MSH6: variants seen among roughly 807,000 people sequenced by gnomAD.
The protein encoded by MSH6 is DNA mismatch repair protein Msh6.
Under a neutral mutation model 119.1 loss-of-function variants are expected in MSH6, and 85 were observed. That is an observed-to-expected ratio of 0.71 (90% CI 0.60 to 0.85). The LOEUF (loss-of-function observed/expected upper bound fraction) is 0.85. Ranked by LOEUF, MSH6 falls within the 40% of genes least tolerant of loss-of-function variation. MSH6 has a pLI of 0.00. For synonymous variants in MSH6, 830 were observed against 586.9 expected, an observed-to-expected ratio of 1.41 and a Z score of -5.99; for missense variants, 2,163 against 1,655.3, an observed-to-expected ratio of 1.31 and a Z score of -5.32.
chr2:47,785,763 T>C (rs1450122410), intron 1 of MSH6, among the ~76,000 whole-genome samples: 1 of 152,192 alleles, frequency 6.6e-6, no homozygotes, highest in Non-Finnish European at 1.5e-5. Context: ...TGAGCATGAA[T>C]TGATTGTTGA....
intron 5 of MSH6, 85 bp from the exon 6 acceptor site, chr2:47,804,825 C>CT: frequency 9.8e-7 from 1 of 1,021,688 alleles, no homozygotes; most frequent in Non-Finnish European, 1.6e-6. Context: ...GTGCCTAGCT[C>CT]TTACGTAAGG....
chr2:47,804,668 G>A (rs1669846622), intron 5 of MSH6, among the ~76,000 whole-genome samples: 1 of 152,154 alleles, frequency 6.6e-6, no homozygotes. Context: ...AATCACTAGG[G>A]TAGTGGGTTG....
downstream of MSH6, chr2:47,809,716 A>C (rs1462990934): frequency 6.3e-7 from 1 of 1,584,974 alleles, no homozygotes; most frequent in Non-Finnish European, 8.7e-7. Flanking sequence ...ACCTGAAGTA[A>C]AATTTACAAA....
At chr2:47,796,797 T>A (rs372654081) in intron 3 of MSH6, among the ~76,000 whole-genome samples, 16 of 152,094 alleles carry the variant, frequency 1.1e-4, no homozygotes, top group African/African-American at 3.1e-4. Context: ...CCTGTTTCTA[T>A]AAAAAATACA....
At chr2:47,790,366 C>T (rs2104085885) in intron 1 of MSH6, among the ~76,000 whole-genome samples, 1 of 152,282 alleles carries the variant, frequency 6.6e-6, no homozygotes, top group South Asian at 2.1e-4. Flanking sequence ...ACGTTACGCC[C>T]TCAGTTGTTG....
intron 2 of MSH6, among the ~76,000 whole-genome samples, chr2:47,791,550 C>T (rs775351631): frequency 4.6e-5 from 7 of 152,148 alleles, no homozygotes; most frequent in Non-Finnish European, 1.0e-4. Context: ...ACACCAAACT[C>T]CTGGAACCAT....
intron 4 of MSH6, chr2:47,801,357 TTCAG>T: frequency 2.6e-6 from 1 of 384,430 alleles, no homozygotes; most frequent in Admixed American, 5.0e-5. Flanking sequence ...TTGGCCTTTC[TTCAG>T]TTTTTTTTTT....
rs876660185 is a variant in MSH6, at chr2:47,800,856, A to C, written c.2873A>C (p.Gln958Pro). ...EQSLLEYLEKQRNRIGCRTIV... is the reference protein window; with the variant it reads ...EQSLLEYLEKPRNRIGCRTIV... ...AGCCTCCTGGAATACCTAGAGAAAC[A>C]GCGCAACAGAATTGGCTGTAGGACC... Residue 958 changes from glutamine (Q) to proline (P), a missense_variant, in exon 4 of 10, where the codon CAG (glutamine) becomes CCG (proline). Coordinates refer to ENST00000234420, the MANE Select transcript of MSH6 (RefSeq NM_000179.3). The C allele has an allele frequency of 6.2e-7, 1 of 1,614,036 alleles. No individual in the cohort carries two copies. Among genetic ancestry groups the C allele is most frequent in the Non-Finnish European group, 8.5e-7 (1 of 1,179,990 alleles).
rs1363247790 is a variant in MSH6 at position 47,805,697 on chromosome 2, G to A, written c.3636G>A (p.Val1212=). The change falls in exon 7 of 10, where the codon GTG becomes GTA. Residue 1212 remains valine (V), a synonymous_variant. Coordinates refer to ENST00000234420, the MANE Select transcript of MSH6 (RefSeq NM_000179.3). ...MHATAHSLVL[V]DELGRGTATF... ...CAACAGCACATTCTCTGGTGCTTGT[G>A]GATGAATTAGGTAAGACATTAAACT... is the stretch of plus-strand genomic sequence containing the variant. 3 of 1,607,574 alleles carry A rather than the reference G, an allele frequency of 1.9e-6. No homozygotes were observed. The highest frequency in any genetic ancestry group is 2.6e-6 in the Non-Finnish European group (3 of 1,174,892).
At chr2:47,785,344 C>T (rs1472095725) in intron 1 of MSH6, among the ~76,000 whole-genome samples, 2 of 152,134 alleles carry the variant, frequency 1.3e-5, no homozygotes, top group Admixed American at 1.3e-4. Flanking sequence ...TCTCCTGCCT[C>T]AGCTTCCCGA....
chr2:47,806,148 C>T, intron 7 of MSH6, 56 bp from the exon 8 acceptor site: 1 of 1,263,668 alleles, frequency 7.9e-7, no homozygotes, highest in Non-Finnish European at 1.1e-6. Context: ...TGTTTTAATT[C>T]CTTTTTTGTT....
chr2:47,787,590 T>C (rs186889022), intron 1 of MSH6, among the ~76,000 whole-genome samples: 48 of 152,252 alleles, frequency 3.2e-4, no homozygotes, highest in Admixed American at 1.4e-3. Flanking sequence ...TGCAAAATCC[T>C]AAAATCATAA....
chr2:47,796,968 A>AAG (rs1387041436), intron 3 of MSH6, among the ~76,000 whole-genome samples: 4 of 152,212 alleles, frequency 2.6e-5, no homozygotes, highest in Non-Finnish European at 5.9e-5. Context: ...ACAGAGCAAG[A>AAG]AGACTGTCAA....
rs1465610983 is a variant in MSH6, at chr2:47,783,514, T to G, written c.260+21T>G. On this transcript the variant is annotated intron_variant, in intron 1 of 9. Transcript: ENST00000234420. ...ACCAGGTAGCGGGGTGGGGGTGGGG[T>G]CGAAGGCGGGGGCATAGCGGCGGGG... The G allele has an allele frequency of 4.3e-6, 6 of 1,388,350 alleles. No homozygotes were observed. Among genetic ancestry groups the G allele is most frequent in the Admixed American group, 6.7e-5 (2 of 29,988 alleles). The allele number at this position is 1,388,350 out of a possible 1,614,324, so 86.0% of individuals were successfully genotyped here.
chr2:47,794,439 T>A (rs1668946487), intron 2 of MSH6, among the ~76,000 whole-genome samples: 1 of 151,740 alleles, frequency 6.6e-6, no homozygotes, highest in African/African-American at 2.4e-5. Flanking sequence ...ACCTGGCTAA[T>A]TTTTGTATTT....
chr2:47,806,699 CAAAG>C, intron 9 of MSH6, 48 bp downstream of exon 9: 1 of 1,571,494 alleles, frequency 6.4e-7, no homozygotes, highest in Admixed American at 1.7e-5. Context: ...CCTTAAGTTT[CAAAG>C]AAACAGTAAA....
chr2:47,792,215 C>T (rs751912743), intron 2 of MSH6, among the ~76,000 whole-genome samples: 29 of 152,182 alleles, frequency 1.9e-4, no homozygotes, highest in Non-Finnish European at 4.0e-4. Context: ...TCTCCAACTT[C>T]TGACCTCAGG....
In MSH6 at chr2:47,801,077, T is replaced by G. The variant is rs1572730085; in HGVS notation, c.3094T>G (p.Cys1032Gly). 1 of 1,610,152 alleles carries G rather than the reference T, an allele frequency of 6.2e-7. No homozygotes were observed. The highest frequency in any genetic ancestry group is 1.3e-5 in the African/African-American group (1 of 74,774). Reference sequence around the variant, plus strand: ...ACGGAGGGATGTATCATTGAAGGACTGCATGCGGCGACTGTTCTATAACTT... The same window carrying G: ...ACGGAGGGATGTATCATTGAAGGACGGCATGCGGCGACTGTTCTATAACTT... ...EERRDVSLKD[C>G]MRRLFYNFDK... The change falls in exon 4 of 10, where the codon TGC becomes GGC. Residue 1032 changes from cysteine (C) to glycine (G), a missense_variant. By Grantham distance (159) the Cys-to-Gly change is radical. Transcript: ENST00000234420.
At chr2:47,788,946 T>TTTTTTTTTTTTTTTTTTTG (rs1553409740) in intron 1 of MSH6, among the ~76,000 whole-genome samples, 7 of 115,750 alleles carry the variant, frequency 6.0e-5, no homozygotes, top group Non-Finnish European at 1.2e-4. Flanking sequence ...TTTTTTTTTT[T>TTTTTTTTTTTTTTTTTTTG]TGTGAGACGG....
Sources: allele counts gnomAD v4.1 joint callset (sites outside exome capture counted in the v4.1 genomes callset), GRCh38; gene constraint gnomAD v4.1.1; transcripts MANE v1.5; gene names NCBI Gene and HGNC (gene_info 2026-07-23, HGNC 2026-07-21).